EEF1G: variants seen among roughly 807,000 people sequenced by gnomAD.
EEF1G encodes the protein elongation factor 1-gamma.
EEF1G carries 14 observed loss-of-function variants against 58.3 expected under a neutral mutation model. The ratio of observed to expected loss-of-function variants is 0.24; its 90% CI spans 0.16 to 0.38. EEF1G has a LOEUF of 0.38. Among genes scored for constraint, EEF1G ranks in the 10% least tolerant of loss-of-function variants. The pLI, the probability that EEF1G is intolerant of heterozygous loss-of-function variation, is 1.00. For missense variants in EEF1G, 322 were observed against 550.1 expected, an observed-to-expected ratio of 0.59 and a Z score of 4.15; for synonymous variants, 180 against 206.8, an observed-to-expected ratio of 0.87 and a Z score of 1.11.
chr11:62,563,545 C>T (rs1388466009), intron 7 of EEF1G, among the ~76,000 whole-genome samples: 2 of 152,140 alleles, frequency 1.3e-5, no homozygotes, highest in Non-Finnish European at 2.9e-5. Context: ...ATAGCAAGAC[C>T]CTACCTCAAA....
At chr11:62,561,524 A>AG (rs1428831900) in intron 7 of EEF1G, among the ~76,000 whole-genome samples, 1 of 150,168 alleles carries the variant, frequency 6.7e-6, no homozygotes. Flanking sequence ...AAAAAAAAAA[A>AG]AAAAAATTGG....
chr11:62,567,508 G>T lies in EEF1G; in HGVS notation c.543C>A (p.Arg181=). 1 of 1,609,050 alleles carries T rather than the reference G, an allele frequency of 6.2e-7. No homozygotes were observed. The highest frequency in any genetic ancestry group is 1.1e-5 in the South Asian group (1 of 90,080). The change falls in exon 6 of 10, where the codon CGC becomes CGA. Residue 181 remains arginine, a synonymous_variant. Coordinates refer to ENST00000329251, the MANE Select transcript of EEF1G (RefSeq NM_001404.5). ...AGCGGTTGGTATTGGGAAAGGCCTG[G>T]CGGAAAGAAGGCTCTAGAACCTGCC... ...LYKQVLEPSF[R]QAFPNTNRWF...
rs958815490 is a variant in EEF1G at position 62,559,689 on chromosome 11, A to T, written c.1304T>A (p.Ile435Asn). The T allele has an allele frequency of 6.2e-7, 1 of 1,613,944 alleles. No individual in the cohort carries two copies. The highest frequency in any genetic ancestry group is 8.5e-7 in the Non-Finnish European group (1 of 1,179,882). ...HVGKAFNQGK[I>N]FK is the part of the protein sequence containing the mutation. ...GATGGCAAGAGATGTTCACTTGAAG[A>T]TCTTGCCCTGATTGAAGGCTTTGCC... Residue 435 changes from isoleucine to asparagine, a missense_variant, in exon 10 of 10, where the codon ATC (isoleucine) becomes AAC (asparagine). Ile to Asn is a moderately radical substitution (Grantham distance 149, BLOSUM62 -3). Coordinates refer to ENST00000329251, the MANE Select transcript of EEF1G (RefSeq NM_001404.5).
intron 7 of EEF1G, among the ~76,000 whole-genome samples, chr11:62,564,493 T>C (rs1298800678): frequency 6.8e-6 from 1 of 147,084 alleles, no homozygotes; most frequent in East Asian, 2.0e-4. Flanking sequence ...CCGGGAGCAG[T>C]GGCTCATATC....
At chr11:62,568,936 G>A (rs1941591281) in intron 5 of EEF1G, among the ~76,000 whole-genome samples, 1 of 151,312 alleles carries the variant, frequency 6.6e-6, no homozygotes, top group African/African-American at 2.4e-5. Context: ...TCGCGCCATC[G>A]CACTCCAGCC....
At chr11:62,564,012 G>A (rs1397901616) in intron 7 of EEF1G, among the ~76,000 whole-genome samples, 1 of 152,224 alleles carries the variant, frequency 6.6e-6, no homozygotes, top group African/African-American at 2.4e-5. Context: ...ATGGCTCACT[G>A]CAGCCTCAAC....
Position 62,559,727 on chromosome 11 carries a change from G to A in EEF1G, c.1266C>T (p.Ala422=). 2 of 1,613,982 alleles carry A rather than the reference G, an allele frequency of 1.2e-6. No individual in the cohort carries two copies. Among genetic ancestry groups the A allele is most frequent in the Non-Finnish European group, 1.7e-6 (2 of 1,179,890 alleles). ...TGAAGGCTTTGCCCACATGCTGGAA[G>A]GCCCCCTCCCAGGAAAAGTACTCTC... is the stretch of plus-strand genomic sequence containing the variant. The part of the protein sequence containing the change: ...LVREYFSWEG[A]FQHVGKAFNQ... Residue 422 remains alanine, a synonymous_variant, in exon 10 of 10, where the codon GCC becomes GCT. Transcript: ENST00000329251.
At chr11:62,563,390 C>A (rs1267567765) in intron 7 of EEF1G, among the ~76,000 whole-genome samples, 1 of 152,106 alleles carries the variant, frequency 6.6e-6, no homozygotes, top group African/African-American at 2.4e-5. Context: ...CCCGCCTCAG[C>A]CTCCCAAAGT....
At chr11:62,560,587 TTA>T in intron 7 of EEF1G, 133 bp from the exon 8 acceptor site, 1 of 1,017,138 alleles carries the variant, frequency 9.8e-7, no homozygotes, top group Non-Finnish European at 1.4e-6. Context: ...GTGTATGACC[TTA>T]TGAGGGAAGT....
chr11:62,567,294 T>C (rs1261731252), intron 6 of EEF1G, 105 bp downstream of exon 6: 5 of 1,432,228 alleles, frequency 3.5e-6, no homozygotes, highest in Non-Finnish European at 3.7e-6. Flanking sequence ...CCCTACATTC[T>C]GCAGGTCCCC....
Position 62,559,850 on chromosome 11 carries a change from A to G in EEF1G, c.1156-13T>C, listed in dbSNP as rs747005888. ...AATCTGGACTCAGCTGGGGATAAAA[A>G]GCCAGCATGTGGTCAAGTTATGAGA... On this transcript the variant is annotated splice_polypyrimidine_tract_variant and intron_variant, in intron 9 of 9. Coordinates refer to ENST00000329251, the MANE Select transcript of EEF1G (RefSeq NM_001404.5). 5 of 1,613,998 alleles carry G rather than the reference A, an allele frequency of 3.1e-6. No individual in the cohort carries two copies. The highest frequency in any genetic ancestry group is 2.2e-5 in the South Asian group (2 of 91,076).
intron 7 of EEF1G, among the ~76,000 whole-genome samples, chr11:62,563,201 A>T (rs969538486): frequency 5.9e-5 from 9 of 151,790 alleles, no homozygotes; most frequent in Admixed American, 6.6e-5. Context: ...ATCTCGGCTC[A>T]CTGCAAGCTC....
chr11:62,564,466 A>T (rs78675073), intron 7 of EEF1G, among the ~76,000 whole-genome samples: 1 of 133,574 alleles, frequency 7.5e-6, no homozygotes, highest in South Asian at 2.3e-4. Context: ...TCTGTCTCAC[A>T]AAAAAAAAAA....
At chr11:62,573,434 AC>A in intron 1 of EEF1G, 1 of 276,212 alleles carries the variant, frequency 3.6e-6, no homozygotes, top group South Asian at 4.7e-5. Context: ...CTGAGAGACG[AC>A]CTTTAACCGT....
chr11:62,569,863 T>C (rs1229678318), intron 5 of EEF1G, among the ~76,000 whole-genome samples: 3 of 152,184 alleles, frequency 2.0e-5, no homozygotes, highest in Non-Finnish European at 4.4e-5. Flanking sequence ...GTCCAAGAGC[T>C]TTTATTTGGA....
intron 1 of EEF1G, 137 bp from the exon 2 acceptor site, chr11:62,572,879 T>C (rs976062491): frequency 5.4e-6 from 4 of 742,584 alleles, no homozygotes; most frequent in African/African-American, 5.4e-5. Flanking sequence ...CCAAGTCCTT[T>C]AGTACTTGTC....
rs923344557 is a variant in EEF1G at position 62,566,822 on chromosome 11, C to T, written c.841G>A (p.Ala281Thr). The T allele has an allele frequency of 2.5e-6, 4 of 1,613,486 alleles. No homozygotes were observed. Among genetic ancestry groups the T allele is most frequent in the Admixed American group, 1.7e-5 (1 of 60,004 alleles). ...AAEPKAKDPF[A>T]HLPKSTFVLD... ...TATCCTTACCTCTTGGGCAGGTGAGCGAAGGGGTCCTTGGCCTTGGGCTCA... is the reference window on the plus strand; with the variant it reads ...TATCCTTACCTCTTGGGCAGGTGAGTGAAGGGGTCCTTGGCCTTGGGCTCA... Residue 281 changes from alanine to threonine, a missense_variant, in exon 7 of 10, where the codon GCT (alanine) becomes ACT (threonine). Coordinates refer to ENST00000329251, the MANE Select transcript of EEF1G (RefSeq NM_001404.5).
Position 62,561,685 on chromosome 11 carries a change from A to C in EEF1G, c.858-1231T>G, listed in dbSNP as rs1264177832. On this transcript the variant is annotated intron_variant, in intron 7 of 9. Coordinates refer to ENST00000329251, the MANE Select transcript of EEF1G (RefSeq NM_001404.5). ...CAAAAAAAAAACAAAAAAAAAACAAAAAAAAAAAAAACAACCAAAAAACAC... is the reference window on the plus strand; with the variant it reads ...CAAAAAAAAAACAAAAAAAAAACAACAAAAAAAAAAACAACCAAAAAACAC... Among the ~76,000 whole-genome samples the C allele has an allele frequency of 1.6e-3, 237 of 146,224 alleles. 3 individuals are homozygous for C. The highest frequency in any genetic ancestry group is 5.6e-3 in the African/African-American group (224 of 39,742).
At chr11:62,568,533 C>T (rs1013131923) in intron 5 of EEF1G, among the ~76,000 whole-genome samples, 6 of 151,986 alleles carry the variant, frequency 3.9e-5, no homozygotes, top group African/African-American at 7.2e-5. Context: ...CACACCTGGC[C>T]TCCATTTCTT....
Sources: gnomAD v4.1 joint callset for allele counts (sites outside exome capture counted in the v4.1 genomes callset) on GRCh38, gnomAD v4.1.1 for gene constraint, MANE v1.5 for transcripts, NCBI Gene and HGNC (gene_info 2026-07-23, HGNC 2026-07-21) for gene names.